PACRG: variants seen among roughly 807,000 people sequenced by gnomAD.
PACRG encodes the protein parkin coregulated gene protein.
A neutral mutation model predicts 29.7 loss-of-function variants in PACRG; 29 were observed. The ratio of observed to expected loss-of-function variants is 0.98; its 90% CI spans 0.73 to 1.33. The LOEUF is 1.33. Ranked by LOEUF, PACRG falls within the 40% of genes most tolerant of loss-of-function variation. PACRG has a pLI of 0.00. For missense variants in PACRG, 279 were observed against 316.2 expected (o/e 0.88, Z 0.89); for synonymous variants, 116 against 118.7 (o/e 0.98, Z 0.15).
chr6:162,920,335 T>A (rs949975799), intron 2 of PACRG, among the ~76,000 whole-genome samples: 2 of 152,146 alleles, frequency 1.3e-5, no homozygotes, highest in Non-Finnish European at 1.5e-5. Context: ...TATGAAAATT[T>A]AAAAAATACT....
intron 2 of PACRG, among the ~76,000 whole-genome samples, chr6:162,882,647 T>C (rs1165936440): frequency 6.6e-6 from 1 of 152,174 alleles, no homozygotes; most frequent in Non-Finnish European, 1.5e-5. Flanking sequence ...AGCTGGGTTC[T>C]GATGAGACTC....
At chr6:162,816,520 T>C (rs1010508629) in intron 2 of PACRG, among the ~76,000 whole-genome samples, 1 of 151,924 alleles carries the variant, frequency 6.6e-6, no homozygotes, top group Non-Finnish European at 1.5e-5. Flanking sequence ...GCCCGGCTAA[T>C]TTTTTGTATT....
chr6:163,240,751 C>G (rs1436954222), intron 4 of PACRG, among the ~76,000 whole-genome samples: 1 of 152,220 alleles, frequency 6.6e-6, no homozygotes, highest in Admixed American at 6.5e-5. Flanking sequence ...CCGTCCTCAC[C>G]CTCGGGGCGC....
intron 2 of PACRG, among the ~76,000 whole-genome samples, chr6:162,848,546 A>C (rs570912917): frequency 2.0e-5 from 3 of 152,368 alleles, no homozygotes; most frequent in Admixed American, 6.5e-5. Context: ...GCTTTATCAA[A>C]CTACATAGAA....
At chr6:163,278,890 T>A (rs1784140502) in intron 4 of PACRG, among the ~76,000 whole-genome samples, 1 of 152,198 alleles carries the variant, frequency 6.6e-6, no homozygotes. Context: ...GGTATTTTGA[T>A]TGGAATTTCT....
At chr6:163,207,959 A>T (rs1780975834) in intron 4 of PACRG, among the ~76,000 whole-genome samples, 1 of 152,222 alleles carries the variant, frequency 6.6e-6, no homozygotes, top group South Asian at 2.1e-4. Context: ...GCTGAGAAGG[A>T]GTGGGGACTT....
At chr6:163,160,347 A>G (rs943457108) in intron 4 of PACRG, among the ~76,000 whole-genome samples, 2 of 152,216 alleles carry the variant, frequency 1.3e-5, no homozygotes, top group Admixed American at 6.5e-5. Flanking sequence ...GCCACCCAGC[A>G]TCCTTTCTGG....
chr6:162,948,477 A>G (rs764806786), intron 2 of PACRG, among the ~76,000 whole-genome samples: 6 of 152,086 alleles, frequency 3.9e-5, no homozygotes, highest in Non-Finnish European at 8.8e-5. Context: ...AGATTGGTCT[A>G]GGAAACGATT....
chr6:163,075,044 C>T (rs912066528), intron 3 of PACRG, among the ~76,000 whole-genome samples: 1 of 151,706 alleles, frequency 6.6e-6, no homozygotes, highest in Non-Finnish European at 1.5e-5. Flanking sequence ...CAGAAATAAC[C>T]AATATCAGAA....
At chr6:162,987,941 G>T (rs1257502040) in intron 2 of PACRG, among the ~76,000 whole-genome samples, 4 of 152,176 alleles carry the variant, frequency 2.6e-5, no homozygotes, top group Non-Finnish European at 4.4e-5. Flanking sequence ...CTTCCTTGGA[G>T]CAGGGTTATT....
chr6:162,957,286 T>C, intron 2 of PACRG: 2 of 554,272 alleles, frequency 3.6e-6, no homozygotes, highest in Admixed American at 4.2e-5. Flanking sequence ...GATTTTCTGC[T>C]CCTCGATAAA....
intron 2 of PACRG, among the ~76,000 whole-genome samples, chr6:162,925,262 T>C (rs1354783596): frequency 6.6e-6 from 1 of 152,130 alleles, no homozygotes; most frequent in Non-Finnish European, 1.5e-5. Flanking sequence ...CCATTCCTTC[T>C]GAAAATATTC....
intron 2 of PACRG, among the ~76,000 whole-genome samples, chr6:162,844,294 C>G (rs1004691957): frequency 6.6e-6 from 1 of 151,740 alleles, no homozygotes; most frequent in African/African-American, 2.4e-5. Flanking sequence ...GGGATATAAT[C>G]TCATGGTGCG....
chr6:163,046,044 G>A (rs1809329453), intron 2 of PACRG, among the ~76,000 whole-genome samples: 1 of 152,024 alleles, frequency 6.6e-6, no homozygotes, highest in African/African-American at 2.4e-5. Flanking sequence ...AAAGTGTCCA[G>A]TCCAGACTCA....
chr6:162,743,847 A>AT (rs1287398144), intron 1 of PACRG, among the ~76,000 whole-genome samples: 1 of 152,152 alleles, frequency 6.6e-6, no homozygotes, highest in Non-Finnish European at 1.5e-5. Context: ...AAAACCCTTA[A>AT]TTATCATCCA....
intron 4 of PACRG, among the ~76,000 whole-genome samples, chr6:163,187,374 T>C (rs1779992014): frequency 6.6e-6 from 1 of 152,108 alleles, no homozygotes; most frequent in Non-Finnish European, 1.5e-5. Context: ...GAAAGGCTTC[T>C]GTGCTCGCCG....
intron 2 of PACRG, among the ~76,000 whole-genome samples, chr6:162,843,003 G>A (rs1334746952): frequency 1.5e-5 from 2 of 136,456 alleles, no homozygotes; most frequent in Non-Finnish European, 3.1e-5. Flanking sequence ...AGGGTAACCC[G>A]ACCTTTCTCT....
At chr6:163,214,154 A>G (rs1432394298) in intron 4 of PACRG, among the ~76,000 whole-genome samples, 3 of 152,218 alleles carry the variant, frequency 2.0e-5, no homozygotes, top group Non-Finnish European at 4.4e-5. Flanking sequence ...TCTGTCCAGT[A>G]TAGTAGCCAC....
chr6:162,973,437 G>T (rs949300090), intron 2 of PACRG, among the ~76,000 whole-genome samples: 1 of 152,176 alleles, frequency 6.6e-6, no homozygotes, highest in Non-Finnish European at 1.5e-5. Context: ...GCCCTTGCTG[G>T]TAGGACCTCT....
Sources: allele counts gnomAD v4.1 joint callset (sites outside exome capture counted in the v4.1 genomes callset), GRCh38; gene constraint gnomAD v4.1.1; transcripts MANE v1.5; gene names NCBI Gene and HGNC (gene_info 2026-07-23, HGNC 2026-07-21).